Variants in SNX14 observed in about 807,000 individuals in gnomAD.
The protein encoded by SNX14 is sorting nexin-14.
A neutral mutation model predicts 133.8 loss-of-function variants in SNX14; 93 were observed. The ratio of observed to expected loss-of-function variants is 0.70; its 90% confidence interval spans 0.59 to 0.83. SNX14 has a LOEUF of 0.83. Ranked by LOEUF, SNX14 falls within the 40% of genes least tolerant of loss-of-function variation. The pLI is 0.00. For synonymous variants in SNX14, 368 were observed against 365.6 expected, an observed-to-expected ratio of 1.01 and a Z score of -0.07; for missense variants, 945 against 1,094.9, an observed-to-expected ratio of 0.86 and a Z score of 1.93.
chr6:85,574,293 G>A lies in SNX14; in HGVS notation c.226C>T (p.Pro76Ser), dbSNP rs756498278. 2 of 1,594,092 alleles carry A rather than the reference G, an allele frequency of 1.3e-6. No homozygotes were observed. The highest frequency in any genetic ancestry group is 1.3e-5 in the African/African-American group (1 of 74,538). ...TATTTTATTGTGAAGAATATATTTG[G>A]TAAGAGAGAATCAGGTCCTAGTGAG... ...YCSLGPDSLL[P>S]NIFFTIKYKP... Residue 76 changes from proline to serine, a missense_variant, in exon 2 of 29, where the codon CCA (proline) becomes TCA (serine). By Grantham distance (74) the Pro-to-Ser change is moderately conservative (BLOSUM62 -1). Around this residue, in one of 3 missense-constraint regions of SNX14, gnomAD observed 514 missense variants for 538.8 expected, o/e 0.95. Coordinates refer to ENST00000314673, the MANE Select transcript of SNX14 (RefSeq NM_153816.6).
intron 17 of SNX14, among the ~76,000 whole-genome samples, chr6:85,534,526 G>C (rs1009640658): frequency 3.3e-5 from 5 of 152,118 alleles, no homozygotes; most frequent in Non-Finnish European, 7.4e-5. Context: ...TAGTTTGCCT[G>C]CTTCTCCAAC....
At chr6:85,517,731 AG>A (rs781498894) in intron 23 of SNX14, 24 bp downstream of exon 23, 2 of 1,560,918 alleles carry the variant, frequency 1.3e-6, no homozygotes, top group Non-Finnish European at 1.7e-6. Flanking sequence ...AAAACTTAAT[AG>A]TTCTTTAATG....
At chr6:85,558,469 T>G (rs1790462564) in intron 6 of SNX14, among the ~76,000 whole-genome samples, 1 of 151,984 alleles carries the variant, frequency 6.6e-6, no homozygotes, top group African/African-American at 2.4e-5. Context: ...GTTTTTTGGG[T>G]TTTTGTTGTT....
At chr6:85,512,192 G>C (rs575376517) in intron 26 of SNX14, among the ~76,000 whole-genome samples, 11 of 152,162 alleles carry the variant, frequency 7.2e-5, no homozygotes, top group Non-Finnish European at 1.0e-4. Context: ...GTAGGGCCTT[G>C]TCAAGAACAG....
intron 4 of SNX14, among the ~76,000 whole-genome samples, chr6:85,571,495 A>C (rs1026455608): frequency 6.6e-6 from 1 of 152,206 alleles, no homozygotes; most frequent in African/African-American, 2.4e-5. Flanking sequence ...ATTAACATCC[A>C]ATTTGATTCA....
intron 7 of SNX14, among the ~76,000 whole-genome samples, chr6:85,550,940 C>G (rs964540180): frequency 6.6e-6 from 1 of 152,060 alleles, no homozygotes; most frequent in Non-Finnish European, 1.5e-5. Context: ...GCCACCACCT[C>G]CAGCTAATTT....
chr6:85,558,240 C>T (rs546391318), intron 6 of SNX14, among the ~76,000 whole-genome samples, 180 bp from the exon 7 acceptor site: 1 of 152,270 alleles, frequency 6.6e-6, no homozygotes, highest in South Asian at 2.1e-4. Flanking sequence ...TTTTTACCCA[C>T]AGTACTGAAA....
In SNX14 at chr6:85,549,752, A is replaced by G; in HGVS notation, c.762T>C (p.Tyr254=). 2 of 1,613,262 alleles carry G rather than the reference A, an allele frequency of 1.2e-6. No individual in the cohort carries two copies. The highest frequency in any genetic ancestry group is 1.7e-6 in the Non-Finnish European group (2 of 1,179,754). The stretch of plus-strand genomic sequence containing the variant: ...AGTCTGTTGCTTTAGGAGGCAAAAT[A>G]TAAGGAAAAAGCAGTTCAGTAAGTT... ...LRKLTELLFP[Y]ILPPKATDCR... is the part of the protein sequence containing the mutation. The change falls in exon 8 of 29, where the codon TAT becomes TAC. Residue 254 remains tyrosine (Y), a synonymous_variant. Coordinates refer to ENST00000314673, the MANE Select transcript of SNX14 (RefSeq NM_153816.6).
Position 85,593,681 on chromosome 6 carries a change from T to C in SNX14, c.38A>G (p.Lys13Arg). 3.1e-6 allele frequency: 5 copies of C among 1,613,544 alleles called. No individual in the cohort carries two copies. The highest frequency in any genetic ancestry group is 3.4e-6 in the Non-Finnish European group (4 of 1,179,908). The change falls in exon 1 of 29, where the codon AAG (lysine) becomes AGG (arginine). Residue 13 changes from lysine to arginine, a missense_variant. By Grantham distance (26) the Lys-to-Arg change is conservative. Coordinates refer to ENST00000314673, the MANE Select transcript of SNX14 (RefSeq NM_153816.6). ...PWVRTMGQKL[K>R]QRLRLDVGRE... is the part of the protein sequence containing the mutation. ...TCCCACGTCCAGTCGCAGCCGCTGC[T>C]TCAGCTTCTGCCCCATCGTCCGCAC...
At chr6:85,574,176 T>A (rs1472893710) in intron 2 of SNX14, 82 bp downstream of exon 2, 8 of 1,122,600 alleles carry the variant, frequency 7.1e-6, no homozygotes, top group Non-Finnish European at 9.5e-6. Context: ...TAAAAAAATA[T>A]ACTGCTTTAG....
chr6:85,552,018 T>C (rs978979501), intron 7 of SNX14, among the ~76,000 whole-genome samples: 1 of 151,042 alleles, frequency 6.6e-6, no homozygotes, highest in Admixed American at 6.6e-5. Context: ...AATCATGGAG[T>C]CTGTGTTGGG....
chr6:85,515,507 GA>G (rs1774648739), intron 23 of SNX14, among the ~76,000 whole-genome samples: 1 of 151,968 alleles, frequency 6.6e-6, no homozygotes, highest in Non-Finnish European at 1.5e-5. Context: ...TGTGAAAAGG[GA>G]GAAAGAGGGG....
At position 85,543,272 on chromosome 6, in the gene SNX14, A is replaced by G; in HGVS notation, c.1299T>C (p.Leu433=). ...CTTCAAAAAGACATCTCATAGTTTG[A>G]AGTTTCACAACATCTATGTATGGGC... ...AEGPYIDVVK[L]QTMRCLFEAY... is the part of the protein sequence containing the mutation. The change falls in exon 14 of 29, where the codon CTT becomes CTC. Residue 433 remains leucine (L), a synonymous_variant. Transcript: ENST00000314673. 1 of 1,595,050 alleles carries G rather than the reference A, an allele frequency of 6.3e-7. No homozygotes were observed. The highest frequency in any genetic ancestry group is 8.5e-7 in the Non-Finnish European group (1 of 1,173,446).
At chr6:85,524,625 T>C (rs1777999007) in intron 21 of SNX14, among the ~76,000 whole-genome samples, 2 of 151,602 alleles carry the variant, frequency 1.3e-5, no homozygotes, top group Non-Finnish European at 2.9e-5. Flanking sequence ...CTACTAAAAC[T>C]ACAAAAAAAT....
At position 85,517,827 on chromosome 6, in the gene SNX14, C is replaced by T; in HGVS notation, c.2197G>A (p.Glu733Lys). 1 of 1,610,512 alleles carries T rather than the reference C, an allele frequency of 6.2e-7. No individual in the cohort carries two copies. The highest frequency in any genetic ancestry group is 8.5e-7 in the Non-Finnish European group (1 of 1,178,998). ...CTACTTGGTTTAGGCTTTGGAGACT[C>T]ACAAGAATTAATGAAATTCATGATA... ...PFIMNFINSCESPKPKPSRPE... is the reference protein window; with the variant it reads ...PFIMNFINSCKSPKPKPSRPE... The change falls in exon 23 of 29, where the codon GAG (glutamate) becomes AAG (lysine). Residue 733 changes from glutamate to lysine, a missense_variant. Physicochemically the swap from Glu to Lys is moderately conservative, Grantham distance 56. This residue lies in a region of SNX14 where 412 missense variants were observed against 516.6 expected (regional missense o/e 0.80). Coordinates refer to ENST00000314673, the MANE Select transcript of SNX14 (RefSeq NM_153816.6).
chr6:85,567,689 A>T, intron 4 of SNX14, 112 bp from the exon 5 acceptor site: 1 of 645,450 alleles, frequency 1.5e-6, no homozygotes, highest in Non-Finnish European at 2.5e-6. Context: ...ATTATCACAA[A>T]TAGTGACAGT....
In SNX14 at chr6:85,543,324, C is replaced by T. The variant is rs1198886782; in HGVS notation, c.1265-18G>A. 6.5e-7 allele frequency: 1 copy of T among 1,545,320 alleles called. No homozygotes were observed. Among genetic ancestry groups the T allele is most frequent in the African/African-American group, 1.4e-5 (1 of 71,458 alleles). ...TTCAGCAACTATTAAAAAAATTCTA[C>T]TGTAGAAATTATTTATAAATAGCAT... On this transcript the variant is annotated intron_variant, in intron 13 of 28. Coordinates refer to ENST00000314673, the MANE Select transcript of SNX14 (RefSeq NM_153816.6).
chr6:85,548,839 T>C (rs7768065), intron 8 of SNX14, among the ~76,000 whole-genome samples: 111,958 of 151,560 alleles, frequency 0.74, 42,684 homozygotes, highest in African/African-American at 0.92. Context: ...TGATGGTGCA[T>C]GCCTGTAATC....
At position 85,573,372 on chromosome 6, in the gene SNX14, T is replaced by C. The variant is rs143057759; in HGVS notation, c.261+886A>G. On this transcript the variant is annotated intron_variant, in intron 2 of 28. Coordinates refer to ENST00000314673, the MANE Select transcript of SNX14 (RefSeq NM_153816.6). ...GCGTGTGCCTGTAATCTCAGTTACA[T>C]GGAAGGCTGAGGCAGAAGAATCACT... Among the ~76,000 whole-genome samples the C allele has an allele frequency of 3.5e-4, 54 of 152,152 alleles. 1 individual carries two copies. In the East Asian group the frequency reaches 0.01, roughly 29 times the overall value.
Sources: allele counts gnomAD v4.1 joint callset (sites outside exome capture counted in the v4.1 genomes callset), GRCh38; gene constraint gnomAD v4.1.1; regional missense constraint gnomAD v4.1.1; transcripts MANE v1.5; gene names NCBI Gene and HGNC (gene_info 2026-07-23, HGNC 2026-07-21).